The following ASB15 variants were observed in gnomAD, a reference collection of about 807,000 sequenced individuals.
ASB15 encodes ankyrin repeat and SOCS box protein 15.
Under a neutral mutation model 58.0 loss-of-function variants are expected in ASB15, and 54 were observed. That is an observed-to-expected ratio of 0.93 (90% CI 0.75 to 1.17). ASB15 has a LOEUF of 1.17. ASB15 is among the 50% of genes most tolerant of loss of function. The probability of loss-of-function intolerance (pLI) is 0.00; values close to 1 mark genes in which losing one functional copy is unlikely to be tolerated. For synonymous variants in ASB15, 249 were observed against 262.4 expected (o/e 0.95, Z 0.50); for missense variants, 680 against 707.4 (o/e 0.96, Z 0.44).
chr7:123,597,367 A>G (rs7788702), upstream of ASB15, among the ~76,000 whole-genome samples: 111,705 of 152,076 alleles, frequency 0.73, 41,201 homozygotes, highest in African/African-American at 0.81. Flanking sequence ...TATTGATGCT[A>G]GTATGTTGTT....
At chr7:123,596,548 G>A (rs1799699882) in intron 1 of ASB15, 1 of 152,128 alleles carries the variant, frequency 6.6e-6, no homozygotes, top group African/African-American at 2.4e-5. Flanking sequence ...GGAGGCGGAG[G>A]TTGCTGTGAA....
intron 1 of ASB15, among the ~76,000 whole-genome samples, chr7:123,583,951 C>T (rs962005577): frequency 5.9e-5 from 9 of 151,904 alleles, no homozygotes; most frequent in Non-Finnish European, 1.2e-4. Flanking sequence ...TCACTCCTTT[C>T]GGCTGTAAAT....
At chr7:123,587,793 G>C (rs1344490278) in intron 1 of ASB15, among the ~76,000 whole-genome samples, 9 of 151,658 alleles carry the variant, frequency 5.9e-5, no homozygotes, top group Non-Finnish European at 1.5e-5. Flanking sequence ...CAGTTGAGAT[G>C]ATCATGATTT....
At chr7:123,571,052 G>A (rs1176351148) in intron 1 of ASB15, among the ~76,000 whole-genome samples, 3 of 152,128 alleles carry the variant, frequency 2.0e-5, no homozygotes, top group African/African-American at 7.2e-5. Context: ...TCAAGTCTGC[G>A]TTCCAGGTCA....
chr7:123,587,335 T>C (rs946227584), intron 1 of ASB15, among the ~76,000 whole-genome samples: 36 of 151,708 alleles, frequency 2.4e-4, no homozygotes, highest in Admixed American at 6.6e-4. Flanking sequence ...TAAAATTTAT[T>C]TTTCTGATAT....
chr7:123,574,004 T>C (rs1284775460), intron 1 of ASB15, among the ~76,000 whole-genome samples: 1 of 152,144 alleles, frequency 6.6e-6, no homozygotes, highest in Non-Finnish European at 1.5e-5. Flanking sequence ...AGTAATATGA[T>C]AGACCAAAGA....
At position 123,617,659 on chromosome 7, in the gene ASB15, G is replaced by GA. The variant is rs1228445160; in HGVS notation, c.377dup (p.Asn126LysfsTer17). On this transcript the variant is annotated frameshift_variant, in exon 7 of 12. Coordinates refer to ENST00000451215, the MANE Select transcript of ASB15 (RefSeq NM_001290258.2). LOFTEE classifies it high-confidence loss of function. ...TTTGGCAGTCAAAGCTGGTCTGGTG[G>GA]AAAATGTAAGAACTTTATTAGAAAA... The GA allele has an allele frequency of 2.4e-5, 39 of 1,611,158 alleles. No individual in the cohort carries two copies. In the Admixed American group the frequency reaches 6.5e-4, roughly 27 times the overall value.
intron 11 of ASB15, among the ~76,000 whole-genome samples, chr7:123,636,413 A>G (rs1250561717): frequency 6.6e-6 from 1 of 152,232 alleles, no homozygotes; most frequent in Non-Finnish European, 1.5e-5. Context: ...ATGGATAGTT[A>G]TTTATCAGAC....
intron 1 of ASB15, among the ~76,000 whole-genome samples, chr7:123,580,593 C>A (rs2116315526): frequency 6.6e-6 from 1 of 152,196 alleles, no homozygotes; most frequent in Middle Eastern, 3.4e-3. Flanking sequence ...AAACCCAGAA[C>A]TGCATCATAT....
intron 3 of ASB15, among the ~76,000 whole-genome samples, chr7:123,611,775 T>A (rs1240899529): frequency 6.6e-6 from 1 of 151,856 alleles, no homozygotes; most frequent in East Asian, 1.9e-4. Context: ...GTAATGCTCC[T>A]TTGACTGACT....
At chr7:123,573,718 A>C (rs1382731060) in intron 1 of ASB15, among the ~76,000 whole-genome samples, 1 of 152,094 alleles carries the variant, frequency 6.6e-6, no homozygotes, top group Non-Finnish European at 1.5e-5. Flanking sequence ...GGAGTGGAGT[A>C]AATTTGGTTC....
intron 2 of ASB15, among the ~76,000 whole-genome samples, chr7:123,607,938 C>G (rs1800229240): frequency 6.6e-6 from 1 of 152,060 alleles, no homozygotes; most frequent in Non-Finnish European, 1.5e-5. Context: ...GTTTATATTC[C>G]CCTAGAAACC....
At chr7:123,578,053 C>A (rs1044733289) in intron 1 of ASB15, among the ~76,000 whole-genome samples, 1 of 151,302 alleles carries the variant, frequency 6.6e-6, no homozygotes, top group Non-Finnish European at 1.5e-5. Context: ...GCCCCCCACC[C>A]CATGACAGGC....
chr7:123,569,936 G>T (rs1046582283), intron 1 of ASB15, among the ~76,000 whole-genome samples: 1 of 149,972 alleles, frequency 6.7e-6, no homozygotes, highest in Non-Finnish European at 1.5e-5. Context: ...AATAATGATT[G>T]TTATTATTAT....
chr7:123,604,557 G>A (rs1194328370), intron 2 of ASB15, among the ~76,000 whole-genome samples: 1 of 151,190 alleles, frequency 6.6e-6, no homozygotes, highest in East Asian at 2.0e-4. Context: ...ACTCCAGCTT[G>A]GTTGACAGAA....
intron 1 of ASB15, among the ~76,000 whole-genome samples, chr7:123,587,632 GA>G (rs1402334681): frequency 1.3e-5 from 2 of 151,636 alleles, no homozygotes; most frequent in Non-Finnish European, 3.0e-5. Flanking sequence ...AGTTCTTAAA[GA>G]AAAGCTTTCA....
upstream of ASB15, among the ~76,000 whole-genome samples, chr7:123,600,956 G>A (rs1470366799): frequency 1.3e-5 from 2 of 152,026 alleles, no homozygotes; most frequent in African/African-American, 4.8e-5. Flanking sequence ...ATCCAATGAG[G>A]GTTTGTAAAA....
intron 1 of ASB15, among the ~76,000 whole-genome samples, chr7:123,582,658 C>T (rs10278329): frequency 2.4e-4 from 36 of 151,810 alleles, no homozygotes; most frequent in Non-Finnish European, 4.0e-4. Context: ...TACATTATCT[C>T]GAAAACTCCT....
intron 1 of ASB15, among the ~76,000 whole-genome samples, chr7:123,570,718 CAGA>C (rs1798887716): frequency 1.2e-5 from 1 of 84,102 alleles, no homozygotes; most frequent in African/African-American, 4.0e-5. Flanking sequence ...AGGGAGCTAT[CAGA>C]CAATTTCTCC....
Sources: allele counts gnomAD v4.1 joint callset (sites outside exome capture counted in the v4.1 genomes callset), GRCh38; gene constraint gnomAD v4.1.1; transcripts MANE v1.5; gene names NCBI Gene and HGNC (gene_info 2026-07-23, HGNC 2026-07-21).